NAA35: variants seen among roughly 807,000 people sequenced by gnomAD.
NAA35 encodes the protein MAK10 homolog, amino-acid N-acetyltransferase subunit.
Under a neutral mutation model 101.7 loss-of-function variants are expected in NAA35, and 18 were observed. The ratio of observed to expected loss-of-function variants is 0.18; its 90% CI spans 0.12 to 0.26. The LOEUF (loss-of-function observed/expected upper bound fraction) is 0.26, where lower values mean the gene tolerates loss of function less well. Ranked by LOEUF, NAA35 falls within the 10% of genes least tolerant of loss-of-function variation. The pLI, the probability that NAA35 is intolerant of heterozygous loss-of-function variation, is 1.00. For synonymous variants in NAA35, 267 were observed against 273.1 expected (o/e 0.98, Z 0.22); for missense variants, 601 against 886.8 (o/e 0.68, Z 4.09).
intron 3 of NAA35, among the ~76,000 whole-genome samples, chr9:85,957,192 G>C (rs986636076): frequency 6.6e-6 from 1 of 152,120 alleles, no homozygotes; most frequent in Non-Finnish European, 1.5e-5. Flanking sequence ...CACATATTTT[G>C]TATGTCATAT....
intron 15 of NAA35, among the ~76,000 whole-genome samples, chr9:86,012,600 G>C (rs1377410314): frequency 6.6e-6 from 1 of 152,136 alleles, no homozygotes; most frequent in Non-Finnish European, 1.5e-5. Context: ...TAGTATTTTA[G>C]ATGAGAACAC....
chr9:85,947,575 T>G (rs191126683), intron 2 of NAA35, among the ~76,000 whole-genome samples: 136 of 152,322 alleles, frequency 8.9e-4, no homozygotes, highest in African/African-American at 3.2e-3. Context: ...GGTTCTCAAC[T>G]GGGGGTGATT....
chr9:86,001,469 T>C (rs1831414613), intron 12 of NAA35, among the ~76,000 whole-genome samples: 1 of 152,216 alleles, frequency 6.6e-6, no homozygotes, highest in African/African-American at 2.4e-5. Context: ...ATCCATCTAA[T>C]ACTGTCATTG....
In NAA35 at chr9:86,018,788, G is replaced by T; in HGVS notation, c.2004G>T (p.Met668Ile). 6.2e-7 allele frequency: 1 copy of T among 1,614,052 alleles called. No individual in the cohort carries two copies. Among genetic ancestry groups the T allele is most frequent in the Non-Finnish European group, 8.5e-7 (1 of 1,180,002 alleles). ...GTAAGCACTTTCAACAGGCAAAAAT[G>T]ATATTGGAAAATATTCCTAACCCGG... ...AASKHFQQAK[M>I]ILENIPNPDH... Residue 668 changes from methionine to isoleucine, a missense_variant, in exon 21 of 23, where the codon ATG becomes ATT. Met to Ile is a conservative substitution (Grantham distance 10). Around this residue, in one of 8 missense-constraint regions of NAA35, gnomAD observed 90 missense variants for 108.7 expected, o/e 0.83. Coordinates refer to ENST00000361671, the MANE Select transcript of NAA35 (RefSeq NM_024635.4).
intron 11 of NAA35, among the ~76,000 whole-genome samples, chr9:85,993,006 T>C (rs537139858): frequency 2.0e-5 from 3 of 152,336 alleles, no homozygotes; most frequent in East Asian, 1.9e-4. Flanking sequence ...GCTTTTGATA[T>C]GTGAATGGAT....
intron 17 of NAA35, among the ~76,000 whole-genome samples, chr9:86,015,417 C>T (rs979397191): frequency 2.6e-5 from 4 of 152,020 alleles, no homozygotes; most frequent in South Asian, 2.1e-4. Context: ...TTCATGCATA[C>T]GGTCCCTGAA....
Position 85,977,428 on chromosome 9 carries a change from A to G in NAA35, c.744A>G (p.Ile248Met). 1 of 1,608,910 alleles carries G rather than the reference A, an allele frequency of 6.2e-7. No individual in the cohort carries two copies. Among genetic ancestry groups the G allele is most frequent in the Non-Finnish European group, 8.5e-7 (1 of 1,175,768 alleles). Residue 248 changes from isoleucine (I) to methionine (M), a missense_variant, in exon 10 of 23, where the codon ATA becomes ATG. Physicochemically the swap from Ile to Met is conservative, Grantham distance 10. This residue lies in a region of NAA35 where 190 missense variants were observed against 223.1 expected (regional missense o/e 0.85). Transcript: ENST00000361671. ...KFTRVLLTVLIAFTKKETSAV... is the reference protein window; with the variant it reads ...KFTRVLLTVLMAFTKKETSAV... ...CTCGTGTGTTACTGACAGTGCTTAT[A>G]GCCTTTACTAAGAAAGAGGTAAGGG...
chr9:85,993,069 C>G (rs1830989253), intron 11 of NAA35, among the ~76,000 whole-genome samples: 1 of 152,194 alleles, frequency 6.6e-6, no homozygotes, highest in Non-Finnish European at 1.5e-5. Flanking sequence ...AATACTGATA[C>G]ATGCAACATA....
intron 11 of NAA35, among the ~76,000 whole-genome samples, chr9:85,979,763 G>A (rs1449054677): frequency 3.9e-5 from 6 of 152,190 alleles, no homozygotes; most frequent in Non-Finnish European, 7.3e-5. Flanking sequence ...CATCAGTACA[G>A]AAGACTTGAG....
intron 15 of NAA35, among the ~76,000 whole-genome samples, chr9:86,011,883 ATATAT>A (rs991228718): frequency 8.4e-5 from 12 of 142,348 alleles, no homozygotes; most frequent in Non-Finnish European, 1.4e-4. Flanking sequence ...ATATATAAAT[ATATAT>A]TATATGATAT....
chr9:85,952,181 T>TA, intron 2 of NAA35, among the ~76,000 whole-genome samples: 2 of 152,126 alleles, frequency 1.3e-5, no homozygotes, highest in Admixed American at 1.3e-4. Flanking sequence ...GTATTTTTTT[T>TA]AAAAATGCCA....
intron 12 of NAA35, among the ~76,000 whole-genome samples, chr9:85,998,297 A>G (rs74410813): frequency 0.015 from 2,248 of 152,312 alleles, 54 homozygotes; most frequent in African/African-American, 0.051. Flanking sequence ...TCTCTGTATC[A>G]TGAACATCTT....
chr9:85,999,281 T>C (rs901242385), intron 12 of NAA35, among the ~76,000 whole-genome samples: 4 of 152,210 alleles, frequency 2.6e-5, no homozygotes, highest in African/African-American at 9.6e-5. Context: ...TATTTTCTTA[T>C]TCTCTTCTGC....
chr9:85,959,146 G>T (rs1829399702), intron 4 of NAA35, among the ~76,000 whole-genome samples: 1 of 152,084 alleles, frequency 6.6e-6, no homozygotes, highest in Non-Finnish European at 1.5e-5. Context: ...GGAGGCCGAG[G>T]TGGGTGGATC....
chr9:85,991,815 G>T (rs1035042617), intron 11 of NAA35, among the ~76,000 whole-genome samples: 6 of 152,128 alleles, frequency 3.9e-5, no homozygotes, highest in Admixed American at 2.6e-4. Context: ...ATTGTTAAGG[G>T]TCTTGTGATG....
chr9:85,960,980 G>A (rs999690473), intron 5 of NAA35, among the ~76,000 whole-genome samples: 5 of 152,224 alleles, frequency 3.3e-5, no homozygotes, highest in Non-Finnish European at 7.3e-5. Context: ...AGCTGCTTAA[G>A]TCTGGCAGGG....
intron 2 of NAA35, among the ~76,000 whole-genome samples, chr9:85,945,208 A>G (rs549498374): frequency 6.6e-6 from 1 of 152,304 alleles, no homozygotes; most frequent in South Asian, 2.1e-4. Context: ...ATACCATCCT[A>G]TTAACTCTTC....
intron 1 of NAA35, chr9:85,941,943 G>A (rs992228664): frequency 8.0e-7 from 1 of 1,242,848 alleles, no homozygotes; most frequent in Non-Finnish European, 1.0e-6. Flanking sequence ...CTGGTAGGTG[G>A]TGGGCTAATA....
intron 10 of NAA35, 45 bp from the exon 11 acceptor site, chr9:85,978,222 C>A: frequency 8.9e-7 from 1 of 1,120,658 alleles, no homozygotes; most frequent in Non-Finnish European, 1.4e-6. Context: ...GTATATCTTT[C>A]AGTGAAAGAA....
Sources: gnomAD v4.1 joint callset for allele counts (sites outside exome capture counted in the v4.1 genomes callset) on GRCh38, gnomAD v4.1.1 for gene constraint, gnomAD v4.1.1 regional missense constraint, MANE v1.5 for transcripts, NCBI Gene and HGNC (gene_info 2026-07-23, HGNC 2026-07-21) for gene names.